Variants in MSI2 observed in about 807,000 individuals in gnomAD.
MSI2 encodes the protein RNA-binding protein Musashi homolog 2.
Under a neutral mutation model 45.6 loss-of-function variants are expected in MSI2, and 17 were observed. The observed-to-expected ratio is 0.37, with a 90% CI of 0.26 to 0.56. The LOEUF (loss-of-function observed/expected upper bound fraction) is 0.56. Ranked by LOEUF, MSI2 falls within the 20% of genes least tolerant of loss-of-function variation. The pLI, the probability that MSI2 is intolerant of heterozygous loss-of-function variation, is 0.77. For missense variants in MSI2, 293 were observed against 444.2 expected (o/e 0.66, Z 3.06); for synonymous variants, 156 against 158.2 (o/e 0.99, Z 0.11).
intron 7 of MSI2, among the ~76,000 whole-genome samples, chr17:57,565,558 T>C (rs73994404): frequency 6.6e-6 from 1 of 152,316 alleles, no homozygotes; most frequent in South Asian, 2.1e-4. Context: ...TTTGTCCTGC[T>C]CCATCACAGC....
At chr17:57,256,493 G>A, upstream of MSI2, 1 of 271,728 alleles carries the variant, frequency 3.7e-6, no homozygotes, top group Non-Finnish European at 6.7e-6. Context: ...GAGAGGTGGG[G>A]ATGGGCCGGG....
At chr17:57,290,456 A>G (rs896448230) in intron 5 of MSI2, among the ~76,000 whole-genome samples, 2 of 152,220 alleles carry the variant, frequency 1.3e-5, no homozygotes, top group African/African-American at 4.8e-5. Context: ...CTACAGGCAC[A>G]TGCCACCATG....
intron 5 of MSI2, among the ~76,000 whole-genome samples, chr17:57,352,498 T>C (rs962300542): frequency 1.3e-5 from 2 of 152,088 alleles, no homozygotes; most frequent in African/African-American, 4.8e-5. Context: ...TGAAGGAGGG[T>C]GGAACCCTGA....
intron 7 of MSI2, among the ~76,000 whole-genome samples, chr17:57,575,155 C>CT (rs1395188965): frequency 2.8e-5 from 4 of 141,166 alleles, no homozygotes; most frequent in African/African-American, 8.1e-5. Flanking sequence ...ACTCCCTCCC[C>CT]CCGCCACCCC....
At chr17:57,650,380 G>A (rs1276734935) in intron 10 of MSI2, among the ~76,000 whole-genome samples, 1 of 152,220 alleles carries the variant, frequency 6.6e-6, no homozygotes, top group Non-Finnish European at 1.5e-5. Context: ...GGTTGGGACA[G>A]AGAGAAATAA....
chr17:57,554,633 C>T (rs1045511397), intron 7 of MSI2, among the ~76,000 whole-genome samples: 8 of 152,234 alleles, frequency 5.3e-5, no homozygotes, highest in African/African-American at 1.7e-4. Context: ...CTAAGCACTC[C>T]GTAAGCCTGT....
chr17:57,637,904 C>T (rs1909960845), intron 10 of MSI2, among the ~76,000 whole-genome samples: 1 of 152,226 alleles, frequency 6.6e-6, no homozygotes, highest in South Asian at 2.1e-4. Flanking sequence ...TCTCATTTTC[C>T]TCCACTCCCC....
intron 6 of MSI2, among the ~76,000 whole-genome samples, chr17:57,506,996 A>G (rs2086243277): frequency 6.6e-6 from 1 of 152,096 alleles, no homozygotes; most frequent in Non-Finnish European, 1.5e-5. Flanking sequence ...AACACATCTT[A>G]AAGATGCTAA....
chr17:57,256,328 T>TG (rs942983789), upstream of MSI2, among the ~76,000 whole-genome samples: 14 of 149,872 alleles, frequency 9.3e-5, no homozygotes, highest in African/African-American at 3.4e-4. Context: ...GGTCCGGCCG[T>TG]GGGGGGCCGA....
chr17:57,534,713 C>A (rs1598376312), intron 7 of MSI2, among the ~76,000 whole-genome samples: 1 of 152,184 alleles, frequency 6.6e-6, no homozygotes, highest in Non-Finnish European at 1.5e-5. Flanking sequence ...GAAACTCCGT[C>A]TCACAAAAAT....
At chr17:57,605,762 T>C (rs1906505623) in intron 8 of MSI2, among the ~76,000 whole-genome samples, 1 of 152,244 alleles carries the variant, frequency 6.6e-6, no homozygotes, top group African/African-American at 2.4e-5. Context: ...CTTTGCCCTC[T>C]TCTTTCAGCT....
At chr17:57,277,101 G>A (rs1567731017) in intron 5 of MSI2, among the ~76,000 whole-genome samples, 1 of 149,098 alleles carries the variant, frequency 6.7e-6, no homozygotes, top group East Asian at 2.0e-4. Context: ...TCTCGCCCAG[G>A]CTGGAGTGCA....
At position 57,587,247 on chromosome 17, in the gene MSI2, A is replaced by G. The variant is rs1598426115; in HGVS notation, c.455-9621A>G. Among the ~76,000 whole-genome samples the G allele has an allele frequency of 2.0e-5, 3 of 152,134 alleles. No homozygotes were observed. The East Asian group carries it at 5.8e-4, about 29-fold the overall frequency. Reference sequence around the variant, plus strand: ...TCGCCAGGTTATGGTGGCCAATTGGAAAAACTCTTTGTAACTAAAGCCTGA... The same window carrying G: ...TCGCCAGGTTATGGTGGCCAATTGGGAAAACTCTTTGTAACTAAAGCCTGA... On this transcript the variant is annotated intron_variant, in intron 7 of 13. Transcript: ENST00000284073.
chr17:57,518,285 C>A (rs2086511791), intron 6 of MSI2, among the ~76,000 whole-genome samples: 2 of 152,148 alleles, frequency 1.3e-5, no homozygotes, highest in Admixed American at 1.3e-4. Flanking sequence ...GGGATTGGAA[C>A]CAAGATTTTC....
intron 5 of MSI2, among the ~76,000 whole-genome samples, chr17:57,377,365 C>A (rs1357848231): frequency 1.3e-5 from 2 of 152,210 alleles, no homozygotes; most frequent in Non-Finnish European, 2.9e-5. Flanking sequence ...ATCCTTCTGC[C>A]CTGTTACATC....
intron 7 of MSI2, among the ~76,000 whole-genome samples, chr17:57,533,166 T>C (rs1260911898): frequency 2.6e-5 from 4 of 152,110 alleles, no homozygotes; most frequent in Non-Finnish European, 5.9e-5. Flanking sequence ...AGGGATGCCC[T>C]CAGTTCCATC....
chr17:57,627,102 T>G lies in MSI2; in HGVS notation c.653-127T>G. The G allele has an allele frequency of 2.2e-6, 2 of 891,276 alleles. No homozygotes were observed. Among genetic ancestry groups the G allele is most frequent in the Non-Finnish European group, 3.7e-6 (2 of 543,988 alleles). 55.2% of individuals were successfully genotyped at this position (891,276 alleles called of 1,614,324 possible). On this transcript the variant is annotated intron_variant, in intron 9 of 13. Transcript: ENST00000284073. The surrounding 1 kb of genome is among the most constrained non-coding windows in gnomAD (Gnocchi z 4.6). ...CAGACCCTTAATAAAAAAACCCTCATGAGAGACAAATTATTCTGTGAAGGA... is the reference window on the plus strand; with the variant it reads ...CAGACCCTTAATAAAAAAACCCTCAGGAGAGACAAATTATTCTGTGAAGGA...
chr17:57,567,336 A>C (rs2087760056), intron 7 of MSI2, among the ~76,000 whole-genome samples: 1 of 152,244 alleles, frequency 6.6e-6, no homozygotes, highest in Non-Finnish European at 1.5e-5. Context: ...TCAATTTCAT[A>C]AACAATTTTG....
chr17:57,690,793 C>T, the MSI2 span, among the ~76,000 whole-genome samples: 5 of 152,198 alleles, frequency 3.3e-5, no homozygotes, highest in Non-Finnish European at 5.9e-5. Context: ...TTATGAAATC[C>T]AATTTATCAA....
Sources: allele counts gnomAD v4.1 joint callset (sites outside exome capture counted in the v4.1 genomes callset), GRCh38; gene constraint gnomAD v4.1.1; non-coding constraint Gnocchi (gnomAD v3.1); transcripts MANE v1.5; gene names NCBI Gene and HGNC (gene_info 2026-07-23, HGNC 2026-07-21).